Variants in ANK2 observed in about 807,000 individuals in gnomAD.
ANK2 encodes ankyrin-2.
ANK2 carries 83 observed loss-of-function variants against 360.5 expected under a neutral mutation model. That is an observed-to-expected ratio of 0.23 (90% confidence interval 0.19 to 0.28). The LOEUF is 0.28. ANK2 is among the 10% of genes least tolerant of loss of function. The probability of loss-of-function intolerance (pLI) is 1.00; values close to 1 mark genes in which losing one functional copy is unlikely to be tolerated. For missense variants in ANK2, 4,201 were observed against 4,795.7 expected (o/e 0.88, Z 3.66); for synonymous variants, 1,740 against 1,759.5 (o/e 0.99, Z 0.28).
chr4:113,038,319 G>A (rs941291129), intron 2 of ANK2, among the ~76,000 whole-genome samples: 1 of 151,876 alleles, frequency 6.6e-6, no homozygotes, highest in Admixed American at 6.6e-5. Context: ...ACTTTTTTTT[G>A]AGAAGAAATA....
intron 42 of ANK2, 41 bp downstream of exon 42, chr4:113,367,892 A>T: frequency 1.2e-6 from 2 of 1,610,988 alleles, no homozygotes; most frequent in Non-Finnish European, 1.7e-6. Context: ...AATACCAAAG[A>T]AACAGGCTAT....
intron 2 of ANK2, among the ~76,000 whole-genome samples, chr4:113,001,271 C>T (rs1329940572): frequency 1.4e-5 from 2 of 141,924 alleles, no homozygotes; most frequent in African/African-American, 2.7e-5. Flanking sequence ...GCGGAGGTTG[C>T]AGTGAGCCGA....
chr4:112,734,232 A>G, the ANK2 span, among the ~76,000 whole-genome samples: 1 of 152,184 alleles, frequency 6.6e-6, no homozygotes, highest in Admixed American at 6.5e-5. Flanking sequence ...TTTTAAGCCT[A>G]CTCACAGTCT....
At chr4:112,709,348 TTGTC>T in the ANK2 span, among the ~76,000 whole-genome samples, 2 of 152,220 alleles carry the variant, frequency 1.3e-5, no homozygotes, top group African/African-American at 4.8e-5. Context: ...TTGCAATAGT[TTGTC>T]TGTATATGTC....
chr4:112,830,875 C>T (rs781109556), intron 1 of ANK2, among the ~76,000 whole-genome samples: 4 of 152,304 alleles, frequency 2.6e-5, no homozygotes, highest in South Asian at 2.1e-4. Context: ...CAGGTGGGCA[C>T]GGGCTTGGTG....
chr4:112,971,954 C>T (rs952201994), intron 2 of ANK2, among the ~76,000 whole-genome samples: 1 of 152,160 alleles, frequency 6.6e-6, no homozygotes, highest in African/African-American at 2.4e-5. Flanking sequence ...GATGCACCTA[C>T]TTGAACCATC....
intron 37 of ANK2, 82 bp downstream of exon 37, chr4:113,350,331 T>A: frequency 8.6e-7 from 1 of 1,168,722 alleles, no homozygotes; most frequent in Non-Finnish European, 1.3e-6. Flanking sequence ...AGCTAGTTGC[T>A]ATTACTAACC....
the ANK2 span, among the ~76,000 whole-genome samples, chr4:112,774,547 C>T: frequency 2.0e-5 from 3 of 152,128 alleles, no homozygotes; most frequent in South Asian, 2.1e-4. Context: ...AGCTAACTAA[C>T]GAACTGACTA....
chr4:112,839,183 C>A (rs1459930432), intron 1 of ANK2, among the ~76,000 whole-genome samples: 1 of 152,158 alleles, frequency 6.6e-6, no homozygotes, highest in African/African-American at 2.4e-5. Context: ...TTTCTTTTTC[C>A]TATGTTTCTA....
chr4:112,716,767 T>C, the ANK2 span, among the ~76,000 whole-genome samples: 25 of 152,314 alleles, frequency 1.6e-4, no homozygotes, highest in South Asian at 4.8e-3. Flanking sequence ...TTGTACTTTT[T>C]TTTAATTGAA....
At chr4:112,896,936 T>A (rs1057134424) in intron 1 of ANK2, among the ~76,000 whole-genome samples, 1 of 149,056 alleles carries the variant, frequency 6.7e-6, no homozygotes, top group Non-Finnish European at 1.5e-5. Context: ...TACATACAGA[T>A]ACGCCAATAA....
At chr4:113,266,482 T>G (rs1432908842) in intron 14 of ANK2, among the ~76,000 whole-genome samples, 1 of 152,202 alleles carries the variant, frequency 6.6e-6, no homozygotes, top group Non-Finnish European at 1.5e-5. Context: ...GTAATGGGAT[T>G]GCTGGGTCAA....
chr4:113,372,234 A>C (rs1174463215), intron 43 of ANK2, among the ~76,000 whole-genome samples: 1 of 152,162 alleles, frequency 6.6e-6, no homozygotes, highest in East Asian at 1.9e-4. Flanking sequence ...TTTAAGTAAA[A>C]GAAGTCACAT....
chr4:112,972,863 T>C (rs2040047242), intron 2 of ANK2, among the ~76,000 whole-genome samples: 1 of 152,050 alleles, frequency 6.6e-6, no homozygotes, highest in Non-Finnish European at 1.5e-5. Flanking sequence ...AACAATGTCT[T>C]TTGCAGCAAC....
intron 1 of ANK2, among the ~76,000 whole-genome samples, chr4:113,084,893 G>C (rs926446329): frequency 3.9e-5 from 6 of 152,198 alleles, no homozygotes; most frequent in African/African-American, 1.4e-4. Flanking sequence ...GAGCCTCTGA[G>C]AGAGACAGAA....
the ANK2 span, among the ~76,000 whole-genome samples, chr4:112,756,839 G>T: frequency 6.6e-6 from 1 of 152,016 alleles, no homozygotes; most frequent in East Asian, 1.9e-4. Context: ...CCTACATGGT[G>T]GTGGGCATCT....
At chr4:112,779,644 A>G in the ANK2 span, among the ~76,000 whole-genome samples, 1 of 152,210 alleles carries the variant, frequency 6.6e-6, no homozygotes, top group African/African-American at 2.4e-5. Flanking sequence ...CTCCTCAGAT[A>G]TTATCACTGG....
At chr4:112,899,538 G>A (rs1208492935) in intron 1 of ANK2, among the ~76,000 whole-genome samples, 4 of 152,072 alleles carry the variant, frequency 2.6e-5, no homozygotes, top group South Asian at 2.1e-4. Context: ...TGGGTACAAC[G>A]TAGGCACCTA....
intron 4 of ANK2, among the ~76,000 whole-genome samples, chr4:113,210,356 A>G (rs1164152093): frequency 6.6e-6 from 1 of 152,224 alleles, no homozygotes; most frequent in Non-Finnish European, 1.5e-5. Flanking sequence ...AATTTGAGGC[A>G]TATGTCAAAA....
Sources: gnomAD v4.1 joint callset for allele counts (sites outside exome capture counted in the v4.1 genomes callset) on GRCh38, gnomAD v4.1.1 for gene constraint, MANE v1.5 for transcripts, NCBI Gene and HGNC (gene_info 2026-07-23, HGNC 2026-07-21) for gene names.